Variants in AMPH observed in about 807,000 individuals in gnomAD.
AMPH encodes amphiphysin.
A neutral mutation model predicts 99.1 loss-of-function variants in AMPH; 49 were observed. The observed-to-expected ratio is 0.49, with a 90% CI of 0.39 to 0.63. The LOEUF (loss-of-function observed/expected upper bound fraction) is 0.63, where lower values mean the gene tolerates loss of function less well. AMPH is among the 20% of genes least tolerant of loss of function. The pLI, the probability that AMPH is intolerant of heterozygous loss-of-function variation, is 0.00. For missense variants in AMPH, 759 were observed against 863.4 expected (o/e 0.88, Z 1.52); for synonymous variants, 314 against 317.3 (o/e 0.99, Z 0.11).
At chr7:38,464,969 A>G (rs1029715423) in intron 9 of AMPH, among the ~76,000 whole-genome samples, 1 of 152,196 alleles carries the variant, frequency 6.6e-6, no homozygotes, top group African/African-American at 2.4e-5. Context: ...TAAAACAAAA[A>G]CAGCACAGTG....
intron 1 of AMPH, among the ~76,000 whole-genome samples, chr7:38,601,737 C>T (rs2129061626): frequency 6.6e-6 from 1 of 152,310 alleles, no homozygotes; most frequent in East Asian, 1.9e-4. Flanking sequence ...CACTGTGTAA[C>T]TTTGTCTGAG....
intron 2 of AMPH, among the ~76,000 whole-genome samples, chr7:38,534,612 G>T (rs1361262252): frequency 6.6e-6 from 1 of 152,148 alleles, no homozygotes; most frequent in African/African-American, 2.4e-5. Context: ...GGATGTTGAG[G>T]CTGAAGTGAG....
intron 1 of AMPH, among the ~76,000 whole-genome samples, chr7:38,593,812 A>G (rs888187072): frequency 2.0e-5 from 3 of 152,206 alleles, no homozygotes; most frequent in Non-Finnish European, 2.9e-5. Context: ...TAAGTAAAAC[A>G]CATAGTGCGT....
intron 17 of AMPH, among the ~76,000 whole-genome samples, chr7:38,403,117 G>A (rs2267803): frequency 0.13 from 19,465 of 152,128 alleles, 1,600 homozygotes; most frequent in Admixed American, 0.23. Context: ...TCAGAAAGGG[G>A]ATCAAAGTTA....
intron 5 of AMPH, among the ~76,000 whole-genome samples, chr7:38,487,487 T>C (rs145912556): frequency 0.097 from 14,751 of 152,184 alleles, 960 homozygotes; most frequent in Middle Eastern, 0.2. Flanking sequence ...AAACTGAAAC[T>C]GGACCCCTTC....
At chr7:38,461,018 T>A (rs1291079960) in intron 11 of AMPH, among the ~76,000 whole-genome samples, 3 of 152,188 alleles carry the variant, frequency 2.0e-5, no homozygotes, top group Admixed American at 6.5e-5. Context: ...AAAAATAAGA[T>A]AAATTATTCA....
intron 7 of AMPH, among the ~76,000 whole-genome samples, 161 bp downstream of exon 7, chr7:38,475,170 C>T (rs1019162910): frequency 6.6e-6 from 1 of 152,116 alleles, no homozygotes; most frequent in Non-Finnish European, 1.5e-5. Flanking sequence ...AATCAATACC[C>T]ACTGGTGACA....
chr7:38,630,947 G>C (rs139244297), intron 1 of AMPH, among the ~76,000 whole-genome samples: 4 of 152,306 alleles, frequency 2.6e-5, no homozygotes, highest in African/African-American at 7.2e-5. Flanking sequence ...GGCGCAGCGG[G>C]CAAGCTGCCG....
Position 38,473,710 on chromosome 7 carries a change from C to CAAAAAA in AMPH, c.590+1615_590+1620dup, listed in dbSNP as rs70977409. Among the ~76,000 whole-genome samples, 17 of 3,782 alleles carry CAAAAAA rather than the reference C, an allele frequency of 4.5e-3. 7 individuals are homozygous for CAAAAAA. Among genetic ancestry groups the CAAAAAA allele is most frequent in the Non-Finnish European group, 4.6e-3 (11 of 2,416 alleles). The allele number at this position is 3,782 out of a possible 152,430, so 2.5% of individuals were successfully genotyped here. On this transcript the variant is annotated intron_variant, in intron 7 of 20. Coordinates refer to ENST00000356264, the MANE Select transcript of AMPH (RefSeq NM_001635.4). The stretch of plus-strand genomic sequence containing the variant: ...TGGGCGACAGAGCGAGACTCCGTCT[C>CAAAAAA]AAAAAAAAAAAAAAAAAAAAAAAAA...
intron 2 of AMPH, among the ~76,000 whole-genome samples, chr7:38,507,398 A>T (rs922557778): frequency 5.3e-5 from 8 of 152,176 alleles, no homozygotes; most frequent in African/African-American, 1.9e-4. Context: ...TTCATGAATC[A>T]CTCAGTAATA....
chr7:38,556,641 C>A (rs939014703), intron 1 of AMPH, among the ~76,000 whole-genome samples: 10 of 152,224 alleles, frequency 6.6e-5, no homozygotes, highest in African/African-American at 2.4e-4. Context: ...ACCCTCCACT[C>A]CTGCACTCTC....
At chr7:38,424,444 A>G (rs1584071429) in intron 15 of AMPH, among the ~76,000 whole-genome samples, 1 of 152,216 alleles carries the variant, frequency 6.6e-6, no homozygotes, top group East Asian at 1.9e-4. Context: ...AGAAGATGCT[A>G]TTGGAAAATA....
rs140009610 is a variant in AMPH, at chr7:38,552,336, G to C, written c.70-17325C>G. 3.4e-3 allele frequency among the ~76,000 whole-genome samples: 516 copies of C among 152,320 alleles called. 3 individuals carry two copies. Among genetic ancestry groups the C allele is most frequent in the African/African-American group, 0.012 (495 of 41,574 alleles). ...CAGCTGGCAGGCTTCTGATGCAGGA[G>C]GTCTGCACAGATCATTTGGATGAGC... On this transcript the variant is annotated intron_variant, in intron 1 of 20. Coordinates refer to ENST00000356264, the MANE Select transcript of AMPH (RefSeq NM_001635.4).
At chr7:38,406,731 C>CCTCTCTCTCTCTCTCTCTCTCT (rs56738810) in intron 17 of AMPH, among the ~76,000 whole-genome samples, 27 of 80,524 alleles carry the variant, frequency 3.4e-4, no homozygotes, top group African/African-American at 1.1e-3. Flanking sequence ...TCTCCCTTTC[C>CCTCTCTCTCTCTCTCTCTCTCT]CTCTCTCTCT....
At chr7:38,435,753 A>G (rs1351790589) in intron 12 of AMPH, among the ~76,000 whole-genome samples, 1 of 152,214 alleles carries the variant, frequency 6.6e-6, no homozygotes, top group African/African-American at 2.4e-5. Context: ...CATAACCATG[A>G]TCACAGGAGG....
intron 17 of AMPH, among the ~76,000 whole-genome samples, chr7:38,399,172 T>C (rs1358781338): frequency 6.6e-6 from 1 of 152,188 alleles, no homozygotes; most frequent in Non-Finnish European, 1.5e-5. Flanking sequence ...CAAACAACAC[T>C]CCTACACCCT....
chr7:38,432,340 C>CT (rs912588106), intron 12 of AMPH, 128 bp from the exon 13 acceptor site: 7 of 746,744 alleles, frequency 9.4e-6, no homozygotes, highest in African/African-American at 7.1e-5. Context: ...TTCAATAAAA[C>CT]TTTTTTTGGT....
chr7:38,453,575 C>A (rs1050860230), intron 11 of AMPH, among the ~76,000 whole-genome samples: 1 of 152,118 alleles, frequency 6.6e-6, no homozygotes, highest in Admixed American at 6.5e-5. Context: ...GATCCTTTTT[C>A]CCCCCACCAT....
chr7:38,546,149 G>A lies in AMPH; in HGVS notation c.70-11138C>T, dbSNP rs1014395752. Among the ~76,000 whole-genome samples the A allele has an allele frequency of 4.6e-5, 7 of 152,222 alleles. No homozygotes were observed. The East Asian group carries it at 7.7e-4, about 17-fold the overall frequency. ...CTTGAGAACCTGGACAGAGGGTAAC[G>A]GAAGGTAGCAGAGAGATGCTGCCCC... On this transcript the variant is annotated intron_variant, in intron 1 of 20. Coordinates refer to ENST00000356264, the MANE Select transcript of AMPH (RefSeq NM_001635.4).
Sources: allele counts gnomAD v4.1 joint callset (sites outside exome capture counted in the v4.1 genomes callset), GRCh38; gene constraint gnomAD v4.1.1; transcripts MANE v1.5; gene names NCBI Gene and HGNC (gene_info 2026-07-23, HGNC 2026-07-21).